Variants in DR1 observed in about 807,000 individuals in gnomAD.
DR1 encodes the protein down-regulator of transcription 1, also known as protein Dr1.
Under a neutral mutation model 19.9 loss-of-function variants are expected in DR1, and 7 were observed. The ratio of observed to expected loss-of-function variants is 0.35; its 90% confidence interval spans 0.20 to 0.66. DR1 has a LOEUF of 0.66. Ranked by LOEUF, DR1 falls within the 30% of genes least tolerant of loss-of-function variation. The pLI, the probability that DR1 is intolerant of heterozygous loss-of-function variation, is 0.66. For missense variants in DR1, 98 were observed against 203.7 expected, an observed-to-expected ratio of 0.48 and a Z score of 3.16; for synonymous variants, 76 against 72.5, an observed-to-expected ratio of 1.05 and a Z score of -0.24.
At chr1:93,356,836 C>T (rs1666993291) in intron 2 of DR1, among the ~76,000 whole-genome samples, 1 of 151,988 alleles carries the variant, frequency 6.6e-6, no homozygotes, top group Non-Finnish European at 1.5e-5. Flanking sequence ...ATTCTCCTGC[C>T]TCAGCTTCCC....
chr1:93,360,872 G>T lies in DR1; in HGVS notation c.*233G>T. The T allele has an allele frequency of 4.7e-6, 2 of 429,568 alleles. No individual in the cohort carries two copies. Among genetic ancestry groups the T allele is most frequent in the Non-Finnish European group, 8.0e-6 (2 of 248,720 alleles). 26.6% of individuals were successfully genotyped at this position (429,568 alleles called of 1,614,324 possible). ...TAATATCAATTTTGAATTTTTAATG[G>T]TGTTTATGAAATTTTAGATAGCAGC... On this transcript the variant is annotated 3_prime_UTR_variant, in exon 3 of 3. Transcript: ENST00000370272.
chr1:93,347,128 CTTTACAG>C (rs1314441615), intron 1 of DR1, among the ~76,000 whole-genome samples: 1 of 152,202 alleles, frequency 6.6e-6, no homozygotes, highest in African/African-American at 2.4e-5. Flanking sequence ...AGTGATCTCA[CTTTACAG>C]CCAGGTAAGC....
At chr1:93,347,793 CG>C (rs1438253344) in intron 1 of DR1, among the ~76,000 whole-genome samples, 3 of 152,000 alleles carry the variant, frequency 2.0e-5, no homozygotes, top group Admixed American at 6.6e-5. Context: ...CATAATGTTT[CG>C]GGAACGTACC....
In DR1 at chr1:93,362,462, G is replaced by A. The variant is rs1667068872; in HGVS notation, c.*1823G>A. On this transcript the variant is annotated 3_prime_UTR_variant, in exon 3 of 3. Transcript: ENST00000370272. Reference sequence around the variant, plus strand: ...CCTTTTTTTTTTTTTCTGATGCAGAGTTCAGGTTAATATTTTACTGCATCT... The same window carrying A: ...CCTTTTTTTTTTTTTCTGATGCAGAATTCAGGTTAATATTTTACTGCATCT... The A allele has an allele frequency of 1.4e-5, 2 of 145,080 alleles. No homozygotes were observed. Among genetic ancestry groups the A allele is most frequent in the African/African-American group, 5.1e-5 (2 of 39,380 alleles). The allele number at this position is 145,080 out of a possible 1,614,324, so 9.0% of individuals were successfully genotyped here.
Position 93,368,358 on chromosome 1 carries a change from G to A in DR1, c.*7719G>A, listed in dbSNP as rs957238844. 1 of 152,202 alleles carries A rather than the reference G, an allele frequency of 6.6e-6. No individual in the cohort carries two copies. Among genetic ancestry groups the A allele is most frequent in the African/African-American group, 2.4e-5 (1 of 41,452 alleles). The allele number at this position is 152,202 out of a possible 1,614,324, so 9.4% of individuals were successfully genotyped here. A position where few individuals can be genotyped will look rare whatever the true frequency, so the allele number is the denominator to read the frequency against. Reference sequence around the variant, plus strand: ...GCACTTGTCACTAACATAGAAAGCAGTAGAGGTGGAAGAGGGAGACTTGCC... The same window carrying A: ...GCACTTGTCACTAACATAGAAAGCAATAGAGGTGGAAGAGGGAGACTTGCC... On this transcript the variant is annotated 3_prime_UTR_variant, in exon 3 of 3. Transcript: ENST00000370272.
At chr1:93,357,542 T>TA (rs1216485173) in intron 2 of DR1, among the ~76,000 whole-genome samples, 1 of 151,948 alleles carries the variant, frequency 6.6e-6, no homozygotes, top group Non-Finnish European at 1.5e-5. Flanking sequence ...AATAAATAAA[T>TA]AATGATCAGT....
At chr1:93,358,092 A>C (rs1283436021) in intron 2 of DR1, among the ~76,000 whole-genome samples, 2 of 152,160 alleles carry the variant, frequency 1.3e-5, no homozygotes, top group African/African-American at 4.8e-5. Context: ...TGGGCAATAT[A>C]GTGAGACCCT....
At chr1:93,356,724 T>G (rs928792901) in intron 2 of DR1, among the ~76,000 whole-genome samples, 1 of 22,852 alleles carries the variant, frequency 4.4e-5, no homozygotes, top group Admixed American at 4.0e-4. Flanking sequence ...ACTCTTACAA[T>G]TTTTTTTTTT....
In DR1 at chr1:93,362,865, A is replaced by G. The variant is rs1231353110; in HGVS notation, c.*2226A>G. 2.6e-5 allele frequency: 2 copies of G among 78,214 alleles called. No homozygotes were observed. Among genetic ancestry groups the G allele is most frequent in the Admixed American group, 1.5e-4 (1 of 6,844 alleles). The allele number at this position is 78,214 out of a possible 1,614,324, so 4.8% of individuals were successfully genotyped here. ...TTTTTTTTTTTTTTTAGCATTTAAG[A>G]GTCACTATTATGTTTTGCCAGTTAA... On this transcript the variant is annotated 3_prime_UTR_variant, in exon 3 of 3. Coordinates refer to ENST00000370272, the MANE Select transcript of DR1 (RefSeq NM_001938.3).
In DR1 at chr1:93,363,100, C is replaced by T. The variant is rs1206519250; in HGVS notation, c.*2461C>T. 6.6e-6 allele frequency: 1 copy of T among 151,892 alleles called. No homozygotes were observed. The highest frequency in any genetic ancestry group is 1.5e-5 in the Non-Finnish European group (1 of 67,948). The allele number at this position is 151,892 out of a possible 1,614,324, so 9.4% of individuals were successfully genotyped here. A position where few individuals can be genotyped will look rare whatever the true frequency, so the allele number is the denominator to read the frequency against. ...AAAACAGTACACAAATAAAGGTTTTCACAAATTAAACAAACTCACATACTA... is the reference window on the plus strand; with the variant it reads ...AAAACAGTACACAAATAAAGGTTTTTACAAATTAAACAAACTCACATACTA... On this transcript the variant is annotated 3_prime_UTR_variant, in exon 3 of 3. Coordinates refer to ENST00000370272, the MANE Select transcript of DR1 (RefSeq NM_001938.3).
chr1:93,350,436 T>C (rs1666901624), intron 1 of DR1, among the ~76,000 whole-genome samples: 1 of 152,038 alleles, frequency 6.6e-6, no homozygotes, highest in Non-Finnish European at 1.5e-5. Flanking sequence ...CAAAAGAAAA[T>C]GGAGAAATTA....
At chr1:93,355,151 C>T (rs760210608) in intron 2 of DR1, 5 of 151,790 alleles carry the variant, frequency 3.3e-5, no homozygotes, top group Non-Finnish European at 7.4e-5. Context: ...CATTTAGTGA[C>T]AGAAGATTTT....
At position 93,369,236 on chromosome 1, in the gene DR1, C is replaced by A. The variant is rs932515139; in HGVS notation, c.*8597C>A. ...TTTCTTCCACTAGAACTTTTTTCCC[C>A]AAAAATACTCTGGAAATACTGGAAC... On this transcript the variant is annotated 3_prime_UTR_variant, in exon 3 of 3. Coordinates refer to ENST00000370272, the MANE Select transcript of DR1 (RefSeq NM_001938.3). 6.6e-6 allele frequency: 1 copy of A among 151,866 alleles called. No individual in the cohort carries two copies. The highest frequency in any genetic ancestry group is 2.1e-4 in the South Asian group (1 of 4,806). The allele number at this position is 151,866 out of a possible 1,614,324, so 9.4% of individuals were successfully genotyped here.
rs1666844210 is a variant in DR1 at position 93,346,608 on chromosome 1, GTT to G, written c.-34_-33del. On this transcript the variant is annotated 5_prime_UTR_variant, in exon 1 of 3. Transcript: ENST00000370272. ...TGGAGTAGTGGACCAGAGCTGGGGA[GTT>G]TTTAAAAGCCGGGGCGCGAGAAACA... is the stretch of plus-strand genomic sequence containing the variant. 1 of 1,583,840 alleles carries G rather than the reference GTT, an allele frequency of 6.3e-7. No individual in the cohort carries two copies. The highest frequency in any genetic ancestry group is 2.2e-5 in the East Asian group (1 of 44,752).
rs1470032395 is a variant in DR1, at chr1:93,361,594, A to G, written c.*955A>G. 1 of 152,558 alleles carries G rather than the reference A, an allele frequency of 6.6e-6. No individual in the cohort carries two copies. The highest frequency in any genetic ancestry group is 1.5e-5 in the Non-Finnish European group (1 of 67,946). 9.5% of individuals were successfully genotyped at this position (152,558 alleles called of 1,614,324 possible). On this transcript the variant is annotated 3_prime_UTR_variant, in exon 3 of 3. Transcript: ENST00000370272. ...GAGAGGGATTTTTAATTTAACTTGT[A>G]GTTATAGTTTACTTATTGTTTTTAG...
At chr1:93,346,932 T>C in intron 1 of DR1, 67 bp downstream of exon 1, 1 of 1,390,928 alleles carries the variant, frequency 7.2e-7, no homozygotes, top group Non-Finnish European at 1.0e-6. Context: ...CGCGTGACCC[T>C]TTCGTGTCAA....
At chr1:93,358,820 C>T (rs1000209246) in intron 2 of DR1, among the ~76,000 whole-genome samples, 7 of 151,960 alleles carry the variant, frequency 4.6e-5, no homozygotes, top group African/African-American at 1.7e-4. Context: ...TTTTCCATTC[C>T]AGTAACTCAT....
intron 1 of DR1, among the ~76,000 whole-genome samples, chr1:93,349,798 G>A (rs1351427685): frequency 6.6e-6 from 1 of 151,962 alleles, no homozygotes; most frequent in Non-Finnish European, 1.5e-5. Flanking sequence ...AAAAGATGAG[G>A]GAAAGACCAA....
chr1:93,358,653 T>A (rs902633852), intron 2 of DR1, among the ~76,000 whole-genome samples: 1 of 152,196 alleles, frequency 6.6e-6, no homozygotes, highest in Non-Finnish European at 1.5e-5. Context: ...GCTTCTAAAT[T>A]TTAAAAATTC....
Sources: allele counts gnomAD v4.1 joint callset (sites outside exome capture counted in the v4.1 genomes callset), GRCh38; gene constraint gnomAD v4.1.1; transcripts MANE v1.5; gene names NCBI Gene and HGNC (gene_info 2026-07-23, HGNC 2026-07-21).